The following AKAP19 variants were observed in gnomAD, a reference collection of about 807,000 sequenced individuals.
The protein encoded by AKAP19 is A-kinase anchoring protein 19, also known as small A-kinase anchoring protein.
the AKAP19 span, among the ~76,000 whole-genome samples, chr2:190,162,841 G>GA: frequency 3.3e-5 from 5 of 151,294 alleles, no homozygotes; most frequent in Non-Finnish European, 5.9e-5. Context: ...TTCTTGCCTG[G>GA]AAAAAAAATG....
chr2:189,997,429 G>A, the AKAP19 span, among the ~76,000 whole-genome samples: 1 of 152,182 alleles, frequency 6.6e-6, no homozygotes, highest in Non-Finnish European at 1.5e-5. Context: ...GCAGGTCTGA[G>A]TTCAGACTCT....
the AKAP19 span, among the ~76,000 whole-genome samples, chr2:190,047,007 G>A: frequency 5.3e-5 from 8 of 152,086 alleles, no homozygotes; most frequent in Admixed American, 5.3e-4. Flanking sequence ...TATTTAAAGT[G>A]AGTTTTTTAA....
At chr2:190,163,455 C>CA in the AKAP19 span, among the ~76,000 whole-genome samples, 23,367 of 136,430 alleles carry the variant, frequency 0.17, 2,197 homozygotes, top group Middle Eastern at 0.32. Context: ...AAACAAAAAA[C>CA]AAAAAAAAAA....
the AKAP19 span, among the ~76,000 whole-genome samples, chr2:190,132,911 T>C: frequency 5.9e-5 from 9 of 152,182 alleles, no homozygotes; most frequent in South Asian, 1.9e-3. Context: ...ATCTAAAATA[T>C]ATAAGCAACT....
At chr2:189,981,726 G>A in the AKAP19 span, among the ~76,000 whole-genome samples, 3 of 152,142 alleles carry the variant, frequency 2.0e-5, no homozygotes, top group African/African-American at 7.2e-5. Context: ...GCTTGTCTGA[G>A]AAAGACTTTA....
the AKAP19 span, among the ~76,000 whole-genome samples, chr2:189,938,944 A>G: frequency 6.6e-6 from 1 of 152,220 alleles, no homozygotes; most frequent in Non-Finnish European, 1.5e-5. Flanking sequence ...AGCACCAGGC[A>G]TGTGGAACAT....
chr2:189,941,510 T>C, the AKAP19 span, among the ~76,000 whole-genome samples: 2 of 151,300 alleles, frequency 1.3e-5, no homozygotes, highest in Non-Finnish European at 2.9e-5. Flanking sequence ...GTTTTTGTTT[T>C]GTTTTTAATT....
chr2:189,912,673 T>G, the AKAP19 span, among the ~76,000 whole-genome samples: 1 of 152,242 alleles, frequency 6.6e-6, no homozygotes, highest in Admixed American at 6.5e-5. Context: ...GTCTCTATGC[T>G]TTTGATTAAT....
chr2:189,966,038 C>T, the AKAP19 span, among the ~76,000 whole-genome samples: 5 of 152,148 alleles, frequency 3.3e-5, no homozygotes, highest in African/African-American at 4.8e-5. Flanking sequence ...GCATTTGCAG[C>T]AACCTGGATG....
At chr2:189,991,952 G>T in the AKAP19 span, among the ~76,000 whole-genome samples, 48 of 151,992 alleles carry the variant, frequency 3.2e-4, 1 homozygote, top group African/African-American at 1.1e-3. Context: ...GTTGAATAGG[G>T]TGTCCTTTGC....
the AKAP19 span, among the ~76,000 whole-genome samples, chr2:190,182,902 ATTAC>A: frequency 6.6e-6 from 1 of 152,220 alleles, no homozygotes; most frequent in Non-Finnish European, 1.5e-5. Context: ...CTTGGCTTGT[ATTAC>A]TTAAAGCCTC....
chr2:190,031,561 C>T, the AKAP19 span, among the ~76,000 whole-genome samples: 3 of 1,504 alleles, frequency 2.0e-3, no homozygotes, highest in Admixed American at 0.017. Flanking sequence ...TTATAATTAT[C>T]ATGACTTTAT....
At chr2:190,164,932 T>C in the AKAP19 span, among the ~76,000 whole-genome samples, 1 of 152,216 alleles carries the variant, frequency 6.6e-6, no homozygotes, top group African/African-American at 2.4e-5. Flanking sequence ...TGCATGATTT[T>C]TGTTGGTTAT....
chr2:190,199,556 TA>T, the AKAP19 span: 2 of 297,612 alleles, frequency 6.7e-6, no homozygotes, highest in Non-Finnish European at 1.2e-5. Flanking sequence ...CTTTTTCTTC[TA>T]CTGATAAGAT....
chr2:189,938,033 A>G, the AKAP19 span, among the ~76,000 whole-genome samples: 1 of 152,194 alleles, frequency 6.6e-6, no homozygotes, highest in Non-Finnish European at 1.5e-5. Flanking sequence ...AGATAAATGG[A>G]TAAAGAAAAT....
the AKAP19 span, among the ~76,000 whole-genome samples, chr2:190,168,788 A>G: frequency 3.9e-5 from 6 of 152,272 alleles, no homozygotes; most frequent in Admixed American, 3.9e-4. Context: ...CCTCATCTCC[A>G]TCTGAGACAT....
the AKAP19 span, among the ~76,000 whole-genome samples, chr2:190,199,329 C>T: frequency 1.6e-4 from 24 of 152,162 alleles, no homozygotes; most frequent in Non-Finnish European, 2.9e-5. Context: ...CATGTAAACA[C>T]GTGAGCATGG....
chr2:190,196,150 A>G, the AKAP19 span, among the ~76,000 whole-genome samples: 15 of 151,848 alleles, frequency 9.9e-5, no homozygotes, highest in Non-Finnish European at 1.8e-4. Context: ...CCCAACCCCC[A>G]ATGTTCTTCC....
the AKAP19 span, among the ~76,000 whole-genome samples, chr2:190,187,464 A>T: frequency 2.1e-5 from 3 of 139,572 alleles, no homozygotes; most frequent in Non-Finnish European, 3.1e-5. Context: ...TGTCCAAATT[A>T]TGGCCTTTTT....
Sources: gnomAD v4.1 joint callset for allele counts (sites outside exome capture counted in the v4.1 genomes callset) on GRCh38, gnomAD v4.1.1 for gene constraint, MANE v1.5 for transcripts, NCBI Gene and HGNC (gene_info 2026-07-23, HGNC 2026-07-21) for gene names.